Variants in ITPR1 observed in about 807,000 individuals in gnomAD.
ITPR1 encodes the protein inositol 1,4,5-trisphosphate-gated calcium channel ITPR1.
In ITPR1, 96 loss-of-function variants were observed where a neutral mutation model predicts 318.4. That is an observed-to-expected ratio of 0.30 (90% CI 0.26 to 0.36). ITPR1 has a LOEUF of 0.36. Among genes scored for constraint, ITPR1 ranks in the 10% least tolerant of loss-of-function variants. The pLI, the probability that ITPR1 is intolerant of heterozygous loss-of-function variation, is 1.00. For missense variants in ITPR1, 2,440 were observed against 3,460.2 expected, an observed-to-expected ratio of 0.71 and a Z score of 7.40; for synonymous variants, 1,312 against 1,289.9, an observed-to-expected ratio of 1.02 and a Z score of -0.37.
intron 52 of ITPR1, among the ~76,000 whole-genome samples, chr3:4,789,234 AG>A (rs1252486893): frequency 3.3e-5 from 5 of 152,188 alleles, no homozygotes; most frequent in Admixed American, 2.6e-4. Flanking sequence ...CTCCATGTCT[AG>A]TGTCTGACCG....
At chr3:4,642,356 GT>G in intron 7 of ITPR1, 105 bp downstream of exon 7, 1 of 855,252 alleles carries the variant, frequency 1.2e-6, no homozygotes, top group Non-Finnish European at 1.6e-6. Flanking sequence ...CCAGAGGCTT[GT>G]CCTGTGTAAA....
chr3:4,729,499 A>G (rs1017224975), intron 42 of ITPR1, among the ~76,000 whole-genome samples: 3 of 152,196 alleles, frequency 2.0e-5, no homozygotes, highest in Admixed American at 1.3e-4. Flanking sequence ...CCTGAAGCAC[A>G]TGATTTTTAA....
chr3:4,771,600 C>A (rs1395538320), intron 46 of ITPR1, among the ~76,000 whole-genome samples: 1 of 152,154 alleles, frequency 6.6e-6, no homozygotes, highest in Non-Finnish European at 1.5e-5. Flanking sequence ...GCAGAATTCT[C>A]CGTTGAATCA....
chr3:4,604,237 C>A (rs2091525780), intron 4 of ITPR1, among the ~76,000 whole-genome samples: 1 of 152,106 alleles, frequency 6.6e-6, no homozygotes. Context: ...GACTTCTGTG[C>A]TGGCAAGGCT....
chr3:4,614,452 C>G (rs550969259), intron 4 of ITPR1, among the ~76,000 whole-genome samples: 22 of 152,282 alleles, frequency 1.4e-4, no homozygotes, highest in African/African-American at 5.3e-4. Context: ...GTTTGAAGGA[C>G]TTCAAGCAAA....
At chr3:4,705,285 A>G (rs2094733402) in intron 36 of ITPR1, among the ~76,000 whole-genome samples, 2 of 152,190 alleles carry the variant, frequency 1.3e-5, no homozygotes, top group African/African-American at 2.4e-5. Context: ...AGCAAGGGTA[A>G]TACAGAGAGT....
In ITPR1 at chr3:4,675,176, A is replaced by G. The variant is rs772989366; in HGVS notation, c.2707A>G (p.Thr903Ala). 8 of 1,612,572 alleles carry G rather than the reference A, an allele frequency of 5.0e-6. No individual in the cohort carries two copies. Among genetic ancestry groups the G allele is most frequent in the Non-Finnish European group, 6.8e-6 (8 of 1,179,168 alleles). The change falls in exon 23 of 62, where the codon ACA becomes GCA. Residue 903 changes from threonine (T) to alanine (A), a missense_variant. By Grantham distance (58) the Thr-to-Ala change is moderately conservative. Around this residue, in one of 23 missense-constraint regions of ITPR1, gnomAD observed 478 missense variants for 696.3 expected, o/e 0.69. Transcript: ENST00000649015. ...CATATTGGACTGTGTACATGTGACAACAATCTTCCCCATTAGCAAGATGGC... is the reference window on the plus strand; with the variant it reads ...CATATTGGACTGTGTACATGTGACAGCAATCTTCCCCATTAGCAAGATGGC... ...LAILDCVHVT[T>A]IFPISKMAKG...
At position 4,516,533 on chromosome 3, in the gene ITPR1, T is replaced by G; in HGVS notation, c.42T>G (p.Ile14Met). 6.2e-7 allele frequency: 1 copy of G among 1,602,946 alleles called. No individual in the cohort carries two copies. The highest frequency in any genetic ancestry group is 8.5e-7 in the Non-Finnish European group (1 of 1,175,942). Residue 14 changes from isoleucine (I) to methionine (M), a missense_variant, in exon 3 of 62, where the codon ATT (isoleucine) becomes ATG (methionine). Physicochemically the swap from Ile to Met is conservative, Grantham distance 10. Transcript: ENST00000649015. ...KMSSFLHIGD[I>M]CSLYAEGSTN... is the part of the protein sequence containing the mutation. ...CTAGCTTCCTACATATTGGAGACAT[T>G]TGTTCTCTGTACGCGGAGGGATCGA...
chr3:4,720,058 A>T (rs1269281705), intron 40 of ITPR1, among the ~76,000 whole-genome samples: 6 of 152,242 alleles, frequency 3.9e-5, no homozygotes, highest in East Asian at 3.8e-4. Flanking sequence ...CATCCCAGAA[A>T]GTTCCCTCCT....
Position 4,710,466 on chromosome 3 carries a change from A to G in ITPR1, c.4984A>G (p.Ile1662Val), listed in dbSNP as rs1384859458. The G allele has an allele frequency of 6.4e-7, 1 of 1,552,642 alleles. No homozygotes were observed. Among genetic ancestry groups the G allele is most frequent in the Non-Finnish European group, 8.7e-7 (1 of 1,147,374 alleles). The stretch of plus-strand genomic sequence containing the variant: ...AAGGAAATGTGAAAGTGGCGGTTTC[A>G]TTTGCAAGTAAGCGGCCTCTCTCTC... Reference protein sequence around the residue: ...ARRKCESGGFICKLIKHTKQL... With the variant: ...ARRKCESGGFVCKLIKHTKQL... Residue 1662 changes from isoleucine to valine, a missense_variant, in exon 38 of 62, where the codon ATT (isoleucine) becomes GTT (valine). Physicochemically the swap from Ile to Val is conservative, Grantham distance 29. Coordinates refer to ENST00000649015, the MANE Select transcript of ITPR1 (RefSeq NM_001378452.1). This position sits in a 1 kb window ranked among gnomAD's most constrained non-coding sequence, Gnocchi z 4.2.
chr3:4,823,079 A>G lies in ITPR1; in HGVS notation c.8028+4837A>G, dbSNP rs376473694. 7.2e-5 allele frequency among the ~76,000 whole-genome samples: 11 copies of G among 152,234 alleles called. No individual in the cohort carries two copies. In the East Asian group the frequency reaches 1.2e-3, roughly 16 times the overall value. On this transcript the variant is annotated intron_variant, in intron 60 of 61. Coordinates refer to ENST00000649015, the MANE Select transcript of ITPR1 (RefSeq NM_001378452.1). ...ACTGTTTGCCTTTGCTCTAGTGCCA[A>G]CTAAACTGAGAATCTGTGTTAGTCT... is the stretch of plus-strand genomic sequence containing the variant.
Position 4,670,711 on chromosome 3 carries a change from C to T in ITPR1, c.2007-18C>T, listed in dbSNP as rs756382573. The T allele has an allele frequency of 6.6e-7, 1 of 1,524,264 alleles. No homozygotes were observed. Among genetic ancestry groups the T allele is most frequent in the Non-Finnish European group, 9.0e-7 (1 of 1,116,336 alleles). The allele number at this position is 1,524,264 out of a possible 1,614,324, so 94.4% of individuals were successfully genotyped here. ...TTTTTAAAAATAGTAACTTTTCCCT[C>T]CTCCTCTTGTTTTCTAGGTTGGTTC... On this transcript the variant is annotated intron_variant, in intron 19 of 61. Transcript: ENST00000649015.
intron 60 of ITPR1, chr3:4,825,655 A>C (rs2106519160): frequency 2.2e-6 from 1 of 449,314 alleles, no homozygotes; most frequent in East Asian, 7.0e-5. Flanking sequence ...ACAGAAAGCA[A>C]CGTGTTAACA....
chr3:4,684,057 C>T (rs2094347652), intron 28 of ITPR1, among the ~76,000 whole-genome samples: 1 of 152,204 alleles, frequency 6.6e-6, no homozygotes, highest in Non-Finnish European at 1.5e-5. Context: ...CCTTACAGAC[C>T]CACTTGGGAA....
chr3:4,810,625 G>A (rs1251045911), intron 55 of ITPR1, among the ~76,000 whole-genome samples: 1 of 152,200 alleles, frequency 6.6e-6, no homozygotes, highest in African/African-American at 2.4e-5. Context: ...TACTTACTGA[G>A]CATATGGATG....
chr3:4,636,672 G>A (rs958232026), intron 5 of ITPR1, among the ~76,000 whole-genome samples: 18 of 151,974 alleles, frequency 1.2e-4, no homozygotes, highest in African/African-American at 3.9e-4. Flanking sequence ...CAGGTGATCC[G>A]CCTGCCTCGG....
In ITPR1 at chr3:4,673,372, A is replaced by C. The variant is rs1296991290; in HGVS notation, c.2441A>C (p.Glu814Ala). 1.9e-6 allele frequency: 3 copies of C among 1,608,254 alleles called. No individual in the cohort carries two copies. Among genetic ancestry groups the C allele is most frequent in the African/African-American group, 2.7e-5 (2 of 74,814 alleles). The change falls in exon 21 of 62, where the codon GAG (glutamate) becomes GCG (alanine). Residue 814 changes from glutamate to alanine, a missense_variant. Physicochemically the swap from Glu to Ala is moderately radical, Grantham distance 107 (BLOSUM62 -1). Around this residue, in one of 23 missense-constraint regions of ITPR1, gnomAD observed 478 missense variants for 696.3 expected, o/e 0.69. Transcript: ENST00000649015. The part of the protein sequence containing the change: ...YARLWSEIPS[E>A]IAIDDYDSSG... The stretch of plus-strand genomic sequence containing the variant: ...CGCCTCTGGTCGGAGATTCCCTCGG[A>C]GATCGCCATTGACGAGTGAGCCTGG...
intron 2 of ITPR1, among the ~76,000 whole-genome samples, chr3:4,506,796 C>G (rs1434634504): frequency 6.6e-6 from 1 of 152,158 alleles, no homozygotes; most frequent in Non-Finnish European, 1.5e-5. Flanking sequence ...AGTTTCCAAA[C>G]TTATACAGTG....
chr3:4,766,411 C>G (rs1031625404), intron 44 of ITPR1, 119 bp from the exon 45 acceptor site: 1 of 754,160 alleles, frequency 1.3e-6, no homozygotes, highest in African/African-American at 1.7e-5. Flanking sequence ...TTGATCTAAA[C>G]TTAGATCATG....
Sources: gnomAD v4.1 joint callset for allele counts (sites outside exome capture counted in the v4.1 genomes callset) on GRCh38, gnomAD v4.1.1 for gene constraint, gnomAD v4.1.1 regional missense constraint, Gnocchi (gnomAD v3.1) non-coding constraint, MANE v1.5 for transcripts, NCBI Gene and HGNC (gene_info 2026-07-23, HGNC 2026-07-21) for gene names.